MAGI2: variants seen among roughly 807,000 people sequenced by gnomAD.
The protein encoded by MAGI2 is membrane associated guanylate kinase, WW and PDZ domain containing 2.
A neutral mutation model predicts 133.3 loss-of-function variants in MAGI2; 35 were observed. The ratio of observed to expected loss-of-function variants is 0.26; its 90% CI spans 0.20 to 0.35. The LOEUF (loss-of-function observed/expected upper bound fraction) is 0.35. Ranked by LOEUF, MAGI2 falls within the 10% of genes least tolerant of loss-of-function variation. The probability of loss-of-function intolerance (pLI) is 1.00; values close to 1 mark genes in which losing one functional copy is unlikely to be tolerated. For missense variants in MAGI2, 1,636 were observed against 1,863.4 expected, an observed-to-expected ratio of 0.88 and a Z score of 2.25; for synonymous variants, 729 against 710.6, an observed-to-expected ratio of 1.03 and a Z score of -0.41.
intron 18 of MAGI2, among the ~76,000 whole-genome samples, chr7:78,128,502 A>G (rs1368566548): frequency 6.6e-6 from 1 of 152,238 alleles, no homozygotes; most frequent in Non-Finnish European, 1.5e-5. Context: ...TAGCAGCAAG[A>G]AAAAGCTCAA....
intron 1 of MAGI2, among the ~76,000 whole-genome samples, chr7:79,254,460 T>G (rs1833546791): frequency 6.6e-6 from 1 of 152,226 alleles, no homozygotes; most frequent in African/African-American, 2.4e-5. Flanking sequence ...TTTAAAAAGT[T>G]TTCTTGCCAT....
At chr7:79,021,462 T>C (rs775305822) in intron 1 of MAGI2, among the ~76,000 whole-genome samples, 13 of 152,228 alleles carry the variant, frequency 8.5e-5, no homozygotes, top group Non-Finnish European at 1.8e-4. Flanking sequence ...ACTTCTTGCA[T>C]CAGTGTGACC....
intron 1 of MAGI2, among the ~76,000 whole-genome samples, chr7:79,157,753 G>A (rs1211444860): frequency 6.6e-6 from 1 of 151,626 alleles, no homozygotes; most frequent in African/African-American, 2.4e-5. Flanking sequence ...CAACTATAGG[G>A]ATCCTAAGTA....
At chr7:78,484,318 C>T (rs1394908358) in intron 6 of MAGI2, 1 of 151,942 alleles carries the variant, frequency 6.6e-6, no homozygotes, top group African/African-American at 2.4e-5. Flanking sequence ...ACATTTTGGA[C>T]ACTTTTTTAA....
At position 78,019,768 on chromosome 7, in the gene MAGI2, CT is replaced by C. The variant is rs1563008764; in HGVS notation, c.3914del (p.Gln1305ArgfsTer169). Reference protein sequence around the residue: ...RKPKELSACGQKKQRLGEQRE... With the variant: ...RKPKELSACGXKKQRLGEQRE... ...TCTGCTCCCCGAGGCGCTGCTTCTT[CT>C]GGCCGCAGGCTGAAAGCTCCTTTGG... On this transcript the variant is annotated frameshift_variant, in exon 22 of 22. Coordinates refer to ENST00000354212, the MANE Select transcript of MAGI2 (RefSeq NM_012301.4). LOFTEE classifies it high-confidence loss of function. 6.2e-7 allele frequency: 1 copy of C among 1,612,532 alleles called. No individual in the cohort carries two copies. The highest frequency in any genetic ancestry group is 1.3e-5 in the African/African-American group (1 of 74,854).
At chr7:78,504,753 G>A (rs573495959) in intron 4 of MAGI2, among the ~76,000 whole-genome samples, 40 of 152,102 alleles carry the variant, frequency 2.6e-4, no homozygotes, top group African/African-American at 8.9e-4. Context: ...GTTTGTAGTA[G>A]TAAAACCCTG....
At chr7:79,225,675 A>G (rs1018521254) in intron 1 of MAGI2, among the ~76,000 whole-genome samples, 5 of 152,180 alleles carry the variant, frequency 3.3e-5, no homozygotes, top group African/African-American at 7.2e-5. Context: ...CAAATTTTTA[A>G]AATCTCAACT....
chr7:79,313,946 G>A lies in MAGI2; in HGVS notation c.301+139074C>T, dbSNP rs562500637. 1.1e-4 allele frequency among the ~76,000 whole-genome samples: 16 copies of A among 151,726 alleles called. No individual in the cohort carries two copies. The East Asian group carries it at 3.1e-3, about 29-fold the overall frequency. ...GCCTCCTGAGTAGCTGAGACTACAGGAACACACCACCACATCCTGCTAATT... is the reference window on the plus strand; with the variant it reads ...GCCTCCTGAGTAGCTGAGACTACAGAAACACACCACCACATCCTGCTAATT... On this transcript the variant is annotated intron_variant, in intron 1 of 21. Transcript: ENST00000354212.
At position 78,252,467 on chromosome 7, in the gene MAGI2, A is replaced by C. The variant is rs565851884; in HGVS notation, c.2047+3476T>G. 8.7e-4 allele frequency: 53 copies of C among 61,072 alleles called. No homozygotes were observed. The African/African-American group carries it at 0.016, about 18-fold the overall frequency. The allele number at this position is 61,072 out of a possible 1,614,324, so 3.8% of individuals were successfully genotyped here. A position where few individuals can be genotyped will look rare whatever the true frequency, so the allele number is the denominator to read the frequency against. ...CTAGAATGATTGGATGTACATAAGC[A>C]AAAAAAAAAAAAATGAAGTTAGGCC... On this transcript the variant is annotated intron_variant, in intron 10 of 21. Coordinates refer to ENST00000354212, the MANE Select transcript of MAGI2 (RefSeq NM_012301.4).
intron 1 of MAGI2, among the ~76,000 whole-genome samples, chr7:79,163,038 A>G (rs185788537): frequency 6.6e-6 from 1 of 152,174 alleles, no homozygotes; most frequent in African/African-American, 2.4e-5. Context: ...AAACAAAACA[A>G]AAAAAACACT....
chr7:78,468,669 G>GA (rs1584276826), intron 6 of MAGI2, among the ~76,000 whole-genome samples: 1 of 151,824 alleles, frequency 6.6e-6, no homozygotes, highest in Non-Finnish European at 1.5e-5. Flanking sequence ...CTTTTTCATA[G>GA]AAAAAAATCA....
In MAGI2 at chr7:78,602,590, A is replaced by G. The variant is rs1805322262; in HGVS notation, c.538+24530T>C. ...AAATGCTATGTTCTTTTTATCTAAG[A>G]GCATTAAAAAAAGCTGAAAAGCATT... is the stretch of plus-strand genomic sequence containing the variant. On this transcript the variant is annotated intron_variant, in intron 3 of 21. Transcript: ENST00000354212. Among the ~76,000 whole-genome samples, 3 of 152,210 alleles carry G rather than the reference A, an allele frequency of 2.0e-5. No homozygotes were observed. The South Asian group carries it at 6.2e-4, about 32-fold the overall frequency.
chr7:78,407,302 C>T (rs1797468310), intron 6 of MAGI2, among the ~76,000 whole-genome samples: 1 of 151,916 alleles, frequency 6.6e-6, no homozygotes, highest in Non-Finnish European at 1.5e-5. Flanking sequence ...GGATAGCGTG[C>T]TTAGTGAAAA....
chr7:78,192,884 G>A (rs1828371397), intron 12 of MAGI2, among the ~76,000 whole-genome samples: 1 of 152,110 alleles, frequency 6.6e-6, no homozygotes, highest in South Asian at 2.1e-4. Context: ...ACCGATGAGG[G>A]GCCCACGGTG....
intron 1 of MAGI2, among the ~76,000 whole-genome samples, chr7:79,257,438 T>G (rs1833771233): frequency 6.6e-6 from 1 of 152,214 alleles, no homozygotes; most frequent in South Asian, 2.1e-4. Flanking sequence ...AAATTTTACT[T>G]AGGATTTAGA....
At chr7:78,854,344 G>A (rs1456567632) in intron 2 of MAGI2, among the ~76,000 whole-genome samples, 3 of 151,984 alleles carry the variant, frequency 2.0e-5, no homozygotes, top group Non-Finnish European at 4.4e-5. Context: ...ATAAATGACA[G>A]GTGTGACAAG....
chr7:78,824,134 A>T (rs934541571), intron 2 of MAGI2, among the ~76,000 whole-genome samples: 6 of 152,260 alleles, frequency 3.9e-5, no homozygotes, highest in African/African-American at 1.4e-4. Flanking sequence ...GCTGGATGTT[A>T]CATATCTCTC....
intron 18 of MAGI2, among the ~76,000 whole-genome samples, chr7:78,129,529 T>C (rs748574173): frequency 2.0e-5 from 3 of 152,188 alleles, no homozygotes; most frequent in Non-Finnish European, 4.4e-5. Context: ...GCTAAAGAGA[T>C]TTTAGAAATG....
At chr7:79,417,126 T>A (rs1846589508) in intron 1 of MAGI2, among the ~76,000 whole-genome samples, 1 of 152,174 alleles carries the variant, frequency 6.6e-6, no homozygotes, top group African/African-American at 2.4e-5. Context: ...TTTATTTATC[T>A]AACTATACCT....
Sources: gnomAD v4.1 joint callset for allele counts (sites outside exome capture counted in the v4.1 genomes callset) on GRCh38, gnomAD v4.1.1 for gene constraint, MANE v1.5 for transcripts, NCBI Gene and HGNC (gene_info 2026-07-23, HGNC 2026-07-21) for gene names.